The following SHLD2 variants were observed in gnomAD, a reference collection of about 807,000 sequenced individuals.
SHLD2 encodes the protein shieldin complex subunit 2, also known as RINN1-REV7-interacting novel NHEJ regulator 2.
A neutral mutation model predicts 73.2 loss-of-function variants in SHLD2; 30 were observed. The ratio of observed to expected loss-of-function variants is 0.41; its 90% confidence interval spans 0.31 to 0.56. SHLD2 has a LOEUF of 0.56. Among genes scored for constraint, SHLD2 ranks in the 20% least tolerant of loss-of-function variants. SHLD2 has a pLI of 0.28. For synonymous variants in SHLD2, 285 were observed against 370.1 expected (o/e 0.77, Z 2.64); for missense variants, 745 against 1,055.9 (o/e 0.71, Z 4.08).
At chr10:87,144,010 A>G (rs1291044256) in intron 2 of SHLD2, among the ~76,000 whole-genome samples, 1 of 151,982 alleles carries the variant, frequency 6.6e-6, no homozygotes. Context: ...CTACAGGCAC[A>G]TGCCACCATG....
intron 2 of SHLD2, among the ~76,000 whole-genome samples, chr10:87,106,919 T>A (rs1255845570): frequency 2.6e-5 from 4 of 152,146 alleles, no homozygotes; most frequent in African/African-American, 9.7e-5. Flanking sequence ...ATGAGACTAT[T>A]TTGAAGATAC....
intron 2 of SHLD2, among the ~76,000 whole-genome samples, chr10:87,109,628 C>G (rs937998021): frequency 2.6e-5 from 4 of 152,158 alleles, no homozygotes; most frequent in Admixed American, 1.3e-4. Context: ...CCAGATAGGA[C>G]AGGAGGCAAA....
At position 87,152,745 on chromosome 10, in the gene SHLD2, A is replaced by C; in HGVS notation, c.1391A>C (p.Asn464Thr). ...GAAATAAACATAAAATTCGGACCAA[A>C]TTCTGGCTCTAAAGTGCCTTTAGCA... ...VKEINIKFGP[N>T]SGSKVPLATV... The change falls in exon 3 of 10, where the codon AAT becomes ACT. Residue 464 changes from asparagine (N) to threonine (T), a missense_variant. By Grantham distance (65) the Asn-to-Thr change is moderately conservative. Around this residue, in one of 5 missense-constraint regions of SHLD2, gnomAD observed 418 missense variants for 567.8 expected, o/e 0.74. Coordinates refer to ENST00000298786, the MANE Select transcript of SHLD2 (RefSeq NM_001330112.2). 3 of 1,611,966 alleles carry C rather than the reference A, an allele frequency of 1.9e-6. No homozygotes were observed. The South Asian group carries it at 3.3e-5, about 18-fold the overall frequency.
chr10:87,169,036 A>G (rs1847402173), intron 4 of SHLD2, among the ~76,000 whole-genome samples: 2 of 152,210 alleles, frequency 1.3e-5, no homozygotes, highest in South Asian at 2.1e-4. Context: ...ATTATTAAAT[A>G]TATAAGTCAA....
rs1337539649 is a variant in SHLD2, at chr10:87,107,483, A to G, written c.-6+10494A>G. Among the ~76,000 whole-genome samples, 3 of 152,228 alleles carry G rather than the reference A, an allele frequency of 2.0e-5. No homozygotes were observed. The East Asian group carries it at 5.8e-4, about 29-fold the overall frequency. Reference sequence around the variant, plus strand: ...TGGGATAATGGGGAATACCTACTTTATATAGGGTGTTCAGAGAAGGCCTTG... The same window carrying G: ...TGGGATAATGGGGAATACCTACTTTGTATAGGGTGTTCAGAGAAGGCCTTG... On this transcript the variant is annotated intron_variant, in intron 2 of 9. Coordinates refer to ENST00000298786, the MANE Select transcript of SHLD2 (RefSeq NM_001330112.2).
chr10:87,161,783 C>T (rs1846835523), intron 4 of SHLD2, among the ~76,000 whole-genome samples: 1 of 152,074 alleles, frequency 6.6e-6, no homozygotes, highest in African/African-American at 2.4e-5. Context: ...TAGGGGAAAA[C>T]AGACATGCAA....
At chr10:87,186,797 T>C (rs1017284105) in intron 8 of SHLD2, among the ~76,000 whole-genome samples, 1 of 151,956 alleles carries the variant, frequency 6.6e-6, no homozygotes, top group African/African-American at 2.4e-5. Context: ...TTTATTTTCA[T>C]TTCTAAAAAT....
chr10:87,106,266 A>T (rs531586142), intron 2 of SHLD2, among the ~76,000 whole-genome samples: 1 of 152,320 alleles, frequency 6.6e-6, no homozygotes, highest in Admixed American at 6.5e-5. Flanking sequence ...CAGCCTCCCA[A>T]AGTGTTGGGA....
At chr10:87,115,928 G>T (rs940080106) in intron 2 of SHLD2, among the ~76,000 whole-genome samples, 7 of 152,096 alleles carry the variant, frequency 4.6e-5, no homozygotes, top group African/African-American at 4.8e-5. Flanking sequence ...GCTTCTTGAG[G>T]GCTTGTGACT....
At chr10:87,096,301 T>G (rs1841880051) in intron 1 of SHLD2, among the ~76,000 whole-genome samples, 1 of 152,126 alleles carries the variant, frequency 6.6e-6, no homozygotes, top group African/African-American at 2.4e-5. Context: ...CGCCTAGGCC[T>G]CCCAGAATGC....
At chr10:87,184,743 G>A (rs1246563212) in intron 8 of SHLD2, among the ~76,000 whole-genome samples, 1 of 151,994 alleles carries the variant, frequency 6.6e-6, no homozygotes, top group Admixed American at 6.6e-5. Flanking sequence ...GGATGTTCTC[G>A]AATGTCTTCC....
intron 4 of SHLD2, among the ~76,000 whole-genome samples, chr10:87,159,310 C>CT (rs973984561): frequency 3.0e-4 from 45 of 152,272 alleles, no homozygotes; most frequent in African/African-American, 1.0e-3. Context: ...AAAACCAACT[C>CT]TGACATATTT....
At chr10:87,173,989 GCT>G (rs1260265660) in intron 6 of SHLD2, among the ~76,000 whole-genome samples, 2 of 152,154 alleles carry the variant, frequency 1.3e-5, no homozygotes, top group Admixed American at 6.5e-5. Flanking sequence ...ACTGTCATCA[GCT>G]ATTGGAAATG....
intron 4 of SHLD2, among the ~76,000 whole-genome samples, chr10:87,161,225 G>A (rs1846790702): frequency 6.6e-6 from 1 of 152,040 alleles, no homozygotes; most frequent in Non-Finnish European, 1.5e-5. Flanking sequence ...ATGAAAGTGG[G>A]TGGACAGCTT....
chr10:87,139,983 A>T (rs920417551), intron 2 of SHLD2, among the ~76,000 whole-genome samples: 12 of 152,244 alleles, frequency 7.9e-5, no homozygotes, highest in African/African-American at 1.9e-4. Flanking sequence ...ACCTATTCAC[A>T]TTGAAGCACA....
chr10:87,163,162 T>G (rs1255723832), intron 4 of SHLD2, among the ~76,000 whole-genome samples: 2 of 151,968 alleles, frequency 1.3e-5, no homozygotes, highest in African/African-American at 4.8e-5. Context: ...TATGAACTGA[T>G]ATGGAGTGAT....
intron 2 of SHLD2, among the ~76,000 whole-genome samples, chr10:87,126,004 G>GA (rs1348054886): frequency 2.0e-5 from 3 of 152,134 alleles, no homozygotes; most frequent in African/African-American, 7.2e-5. Context: ...TATTGTGTTG[G>GA]ATAACTTTGT....
At chr10:87,130,712 C>T (rs1162630994) in intron 2 of SHLD2, among the ~76,000 whole-genome samples, 1 of 152,134 alleles carries the variant, frequency 6.6e-6, no homozygotes, top group Non-Finnish European at 1.5e-5. Flanking sequence ...TTTCTTGGAT[C>T]TGCTATGTCA....
intron 2 of SHLD2, among the ~76,000 whole-genome samples, chr10:87,145,309 C>G (rs1267727963): frequency 6.6e-6 from 1 of 152,044 alleles, no homozygotes; most frequent in East Asian, 1.9e-4. Flanking sequence ...GAATTTGGTT[C>G]AATCAGGTCA....
Sources: gnomAD v4.1 joint callset for allele counts (sites outside exome capture counted in the v4.1 genomes callset) on GRCh38, gnomAD v4.1.1 for gene constraint, gnomAD v4.1.1 regional missense constraint, MANE v1.5 for transcripts, NCBI Gene and HGNC (gene_info 2026-07-23, HGNC 2026-07-21) for gene names.